TEX2: variants seen among roughly 807,000 people sequenced by gnomAD.
TEX2 encodes testis-expressed protein 2.
TEX2 carries 53 observed loss-of-function variants against 106.9 expected under a neutral mutation model. The ratio of observed to expected loss-of-function variants is 0.50; its 90% CI spans 0.40 to 0.62. The LOEUF (loss-of-function observed/expected upper bound fraction) is 0.62, where lower values mean the gene tolerates loss of function less well. Ranked by LOEUF, TEX2 falls within the 20% of genes least tolerant of loss-of-function variation. The pLI is 0.00. For missense variants in TEX2, 1,207 were observed against 1,379.0 expected (o/e 0.88, Z 1.98); for synonymous variants, 523 against 534.8 (o/e 0.98, Z 0.30).
intron 1 of TEX2, among the ~76,000 whole-genome samples, chr17:64,254,437 T>A (rs181753534): frequency 9.4e-4 from 143 of 152,316 alleles, no homozygotes; most frequent in South Asian, 2.7e-3. Context: ...CTGTCCAATA[T>A]GGGCACATGG....
chr17:64,249,494 G>C (rs903774429), intron 1 of TEX2, among the ~76,000 whole-genome samples: 34 of 152,136 alleles, frequency 2.2e-4, no homozygotes, highest in Non-Finnish European at 4.0e-4. Context: ...TTTCTGGAAG[G>C]CTTCTTTGGA....
chr17:64,229,723 C>A (rs1555634373), intron 1 of TEX2, among the ~76,000 whole-genome samples: 1 of 152,146 alleles, frequency 6.6e-6, no homozygotes, highest in Non-Finnish European at 1.5e-5. Context: ...TAAATTTTAA[C>A]TTTGGAAAAA....
rs761442085 is a variant in TEX2, at chr17:64,177,431, G to C, written c.2465C>G (p.Ala822Gly). The C allele has an allele frequency of 2.0e-5, 32 of 1,614,114 alleles. 1 individual carries two copies. The South Asian group carries it at 2.6e-4, about 13-fold the overall frequency. ...VPPSEEEEQE[A>G]WVNALLGRIF... ...TCTTCCAAGCAAGGCATTCACCCAG[G>C]CTTCCTGTTCTTCCTCCTCAGAGGG... Residue 822 changes from alanine to glycine, a missense_variant, in exon 6 of 12, where the codon GCC (alanine) becomes GGC (glycine). Ala to Gly is a moderately conservative substitution (Grantham distance 60, BLOSUM62 0). This residue lies in a region of TEX2 where 1,067 missense variants were observed against 1,193.6 expected (regional missense o/e 0.89). Coordinates refer to ENST00000584379, the MANE Select transcript of TEX2 (RefSeq NM_001288732.2).
At chr17:64,262,657 G>A (rs2034313031) in intron 1 of TEX2, among the ~76,000 whole-genome samples, 1 of 152,192 alleles carries the variant, frequency 6.6e-6, no homozygotes, top group Admixed American at 6.5e-5. Context: ...CCCTGCTAAA[G>A]CACACAAACC....
Position 64,194,930 on chromosome 17 carries a change from T to C in TEX2, c.1810A>G (p.Ile604Val). ...YNEPKPEVTY[I>V]SQKIYDLSDS... Reference sequence around the variant, plus strand: ...GAGAGGTCATAGATTTTCTGGCTGATGTAGGTGACCTCTGGCTTGGGTTCA... The same window carrying C: ...GAGAGGTCATAGATTTTCTGGCTGACGTAGGTGACCTCTGGCTTGGGTTCA... Residue 604 changes from isoleucine to valine, a missense_variant, in exon 3 of 12, where the codon ATC becomes GTC. Physicochemically the swap from Ile to Val is conservative, Grantham distance 29. Around this residue, in one of 3 missense-constraint regions of TEX2, gnomAD observed 1,067 missense variants for 1,193.6 expected, o/e 0.89. Transcript: ENST00000584379. 2 of 1,614,204 alleles carry C rather than the reference T, an allele frequency of 1.2e-6. No individual in the cohort carries two copies. Among genetic ancestry groups the C allele is most frequent in the Non-Finnish European group, 1.7e-6 (2 of 1,180,008 alleles).
In TEX2 at chr17:64,212,828, A is replaced by G; in HGVS notation, c.1390T>C (p.Ser464Pro). 6.2e-7 allele frequency: 1 copy of G among 1,614,064 alleles called. No homozygotes were observed. Among genetic ancestry groups the G allele is most frequent in the Non-Finnish European group, 8.5e-7 (1 of 1,180,018 alleles). The change falls in exon 2 of 12, where the codon TCG becomes CCG. Residue 464 changes from serine (S) to proline (P), a missense_variant. Physicochemically the swap from Ser to Pro is moderately conservative, Grantham distance 74 (BLOSUM62 -1). Coordinates refer to ENST00000584379, the MANE Select transcript of TEX2 (RefSeq NM_001288732.2). ...GGCAATTCCGGGTGCTGCACGGCCG[A>G]GTCCACCTCGTCCTCACTGTCAAGG... Reference protein sequence around the residue: ...VVLDSEDEVDSAVQHPELPVK... With the variant: ...VVLDSEDEVDPAVQHPELPVK...
intron 8 of TEX2, among the ~76,000 whole-genome samples, chr17:64,159,193 G>A (rs1162074832): frequency 6.6e-6 from 1 of 152,176 alleles, no homozygotes; most frequent in Non-Finnish European, 1.5e-5. Flanking sequence ...CGGTGCCCAA[G>A]ACCCCCTTTG....
Position 64,212,769 on chromosome 17 carries a change from G to A in TEX2, c.1449C>T (p.Val483=), listed in dbSNP as rs1555631764. The A allele has an allele frequency of 1.9e-6, 3 of 1,614,050 alleles. No homozygotes were observed. The highest frequency in any genetic ancestry group is 2.2e-5 in the South Asian group (2 of 91,088). ...VKTLGFFIMC[V]YVYLILPLPH... ...GGAGGGGGAGGATGAGGTACACATA[G>A]ACACACATTATAAAGAAGCCCAACG... Residue 483 remains valine, a synonymous_variant, in exon 2 of 12, where the codon GTC becomes GTT. Coordinates refer to ENST00000584379, the MANE Select transcript of TEX2 (RefSeq NM_001288732.2).
chr17:64,148,660 G>T lies in TEX2; in HGVS notation c.*309C>A. On this transcript the variant is annotated 3_prime_UTR_variant, in exon 12 of 12. Coordinates refer to ENST00000584379, the MANE Select transcript of TEX2 (RefSeq NM_001288732.2). The stretch of plus-strand genomic sequence containing the variant: ...AGCTTTGCTCTTACTGTGCTCATTT[G>T]CTGCCACAAACATGGGTAGACTTTT... The T allele has an allele frequency of 3.5e-6, 1 of 286,848 alleles. No individual in the cohort carries two copies. Among genetic ancestry groups the T allele is most frequent in the Non-Finnish European group, 6.5e-6 (1 of 152,768 alleles). The allele number at this position is 286,848 out of a possible 1,614,324, so 17.8% of individuals were successfully genotyped here. A position where few individuals can be genotyped will look rare whatever the true frequency, so the allele number is the denominator to read the frequency against.
rs1598154173 is a variant in TEX2 at position 64,185,878 on chromosome 17, C to T, written c.2424+2290G>A. Among the ~76,000 whole-genome samples the T allele has an allele frequency of 1.3e-5, 2 of 152,154 alleles. No homozygotes were observed. Among genetic ancestry groups the T allele is most frequent in the South Asian group, 4.1e-4 (2 of 4,828 alleles). ...CGGAGATGGCAGTGAGCCAAGATCA[C>T]GCCATTGCACTCCAGCCTGGGGAAA... On this transcript the variant is annotated intron_variant, in intron 5 of 11. Coordinates refer to ENST00000584379, the MANE Select transcript of TEX2 (RefSeq NM_001288732.2). This position sits in a 1 kb window ranked among gnomAD's most constrained non-coding sequence, Gnocchi z 4.0.
chr17:64,203,696 G>C (rs1029681518), intron 2 of TEX2, among the ~76,000 whole-genome samples: 1 of 151,860 alleles, frequency 6.6e-6, no homozygotes, highest in African/African-American at 2.4e-5. Context: ...CCTTAAGCAG[G>C]GAGTCAACAT....
chr17:64,196,934 A>G (rs1378746047), intron 2 of TEX2, among the ~76,000 whole-genome samples: 1 of 148,608 alleles, frequency 6.7e-6, no homozygotes, highest in Non-Finnish European at 1.5e-5. Flanking sequence ...TCAACTGGCA[A>G]CAGTGGGAGT....
intron 1 of TEX2, among the ~76,000 whole-genome samples, chr17:64,236,934 C>T (rs138939752): frequency 5.9e-5 from 9 of 152,212 alleles, no homozygotes; most frequent in East Asian, 1.9e-4. Flanking sequence ...TTGAATATTC[C>T]GGACTTACTT....
intron 8 of TEX2, among the ~76,000 whole-genome samples, chr17:64,156,415 C>T (rs2030631693): frequency 6.6e-6 from 1 of 152,192 alleles, no homozygotes; most frequent in South Asian, 2.1e-4. Context: ...AAACAAAAGC[C>T]TCTTGTCCCT....
At chr17:64,150,794 G>T in intron 11 of TEX2, 47 bp downstream of exon 11, 1 of 1,567,410 alleles carries the variant, frequency 6.4e-7, no homozygotes, top group African/African-American at 1.4e-5. Context: ...GCTAAACCCA[G>T]AGCTTCTATA....
At chr17:64,261,813 C>A (rs2034291892) in intron 1 of TEX2, among the ~76,000 whole-genome samples, 1 of 152,184 alleles carries the variant, frequency 6.6e-6, no homozygotes, top group African/African-American at 2.4e-5. Flanking sequence ...AGACCAACTA[C>A]CATTTTTGGG....
chr17:64,218,144 G>A (rs1487714905), intron 1 of TEX2, among the ~76,000 whole-genome samples: 1 of 152,082 alleles, frequency 6.6e-6, no homozygotes, highest in East Asian at 1.9e-4. Context: ...TACTAGGGAG[G>A]CTGAGGCACA....
chr17:64,153,171 C>G lies in TEX2; in HGVS notation c.2931-17G>C, dbSNP rs1567904652. The stretch of plus-strand genomic sequence containing the variant: ...CCAACGTACCTTCAAATGTGGAACA[C>G]AAAGGGCGGTTAGCACAAACTTTGC... On this transcript the variant is annotated splice_polypyrimidine_tract_variant and intron_variant, in intron 9 of 11. Transcript: ENST00000584379. The surrounding 1 kb of genome is among the most constrained non-coding windows in gnomAD (Gnocchi z 4.1). 10 of 1,593,396 alleles carry G rather than the reference C, an allele frequency of 6.3e-6. No homozygotes were observed. The East Asian group carries it at 2.2e-4, about 36-fold the overall frequency.
rs1351715222 is a variant in TEX2, at chr17:64,148,890, T to C, written c.*79A>G. ...ACAGTAGCTGTGGCACAGAGGCCAG[T>C]GCTACAGTACAGATGGCGGCCAAGA... is the stretch of plus-strand genomic sequence containing the variant. On this transcript the variant is annotated 3_prime_UTR_variant, in exon 12 of 12. Transcript: ENST00000584379. 7.7e-6 allele frequency: 12 copies of C among 1,567,844 alleles called. No individual in the cohort carries two copies. Among genetic ancestry groups the C allele is most frequent in the Non-Finnish European group, 1.0e-5 (12 of 1,149,148 alleles).
Sources: gnomAD v4.1 joint callset for allele counts (sites outside exome capture counted in the v4.1 genomes callset) on GRCh38, gnomAD v4.1.1 for gene constraint, gnomAD v4.1.1 regional missense constraint, Gnocchi (gnomAD v3.1) non-coding constraint, MANE v1.5 for transcripts, NCBI Gene and HGNC (gene_info 2026-07-23, HGNC 2026-07-21) for gene names.